MYO3B: variants seen among roughly 807,000 people sequenced by gnomAD.
MYO3B encodes the protein myosin IIIB.
In MYO3B, 156 loss-of-function variants were observed where a neutral mutation model predicts 174.6. That is an observed-to-expected ratio of 0.89 (90% CI 0.78 to 1.02). The LOEUF (loss-of-function observed/expected upper bound fraction) is 1.02. Among genes scored for constraint, MYO3B ranks in the 50% least tolerant of loss-of-function variants. The pLI is 0.00. For synonymous variants in MYO3B, 563 were observed against 569.1 expected, an observed-to-expected ratio of 0.99 and a Z score of 0.15; for missense variants, 1,632 against 1,639.4, an observed-to-expected ratio of 1.00 and a Z score of 0.08.
chr2:170,433,914 A>G lies in MYO3B; in HGVS notation c.2651-10053A>G, dbSNP rs570420953. On this transcript the variant is annotated intron_variant, in intron 22 of 34. Transcript: ENST00000408978. ...TGTTCTTTTCATAAGACATTAGGTC[A>G]TGTCCAAGTGGGCTGGGAACTCTTC... Among the ~76,000 whole-genome samples the G allele has an allele frequency of 8.5e-5, 13 of 152,326 alleles. No individual in the cohort carries two copies. In the South Asian group the frequency reaches 2.7e-3, roughly 32 times the overall value.
chr2:170,472,673 CTATTTATTTATT>C (rs61295158), intron 25 of MYO3B, among the ~76,000 whole-genome samples: 6,461 of 142,312 alleles, frequency 0.045, 456 homozygotes, highest in African/African-American at 0.15. Context: ...CACTTTTTAT[CTATTTATTTATT>C]TATTTATTTA....
At chr2:170,202,263 G>A (rs1257526878) in intron 3 of MYO3B, among the ~76,000 whole-genome samples, 1 of 152,182 alleles carries the variant, frequency 6.6e-6, no homozygotes, top group Admixed American at 6.5e-5. Context: ...TCATACCTCT[G>A]CAATACAATA....
chr2:170,232,067 G>A (rs764069130), intron 6 of MYO3B, among the ~76,000 whole-genome samples: 2 of 152,152 alleles, frequency 1.3e-5, no homozygotes, highest in African/African-American at 2.4e-5. Context: ...TCCCAAAGAC[G>A]TGCACTTACT....
At chr2:170,382,219 ATTGT>A in intron 10 of MYO3B, 107 bp downstream of exon 10, 2 of 879,018 alleles carry the variant, frequency 2.3e-6, no homozygotes, top group South Asian at 1.6e-5. Flanking sequence ...TGAAAATTTA[ATTGT>A]TTGTGTAGCT....
chr2:170,558,690 ATCTGGGTTGTT>A (rs1245912161), intron 32 of MYO3B, among the ~76,000 whole-genome samples: 1 of 152,184 alleles, frequency 6.6e-6, no homozygotes, highest in Non-Finnish European at 1.5e-5. Flanking sequence ...GTTGATGGGC[ATCTGGGTTGTT>A]TCTAGTTTGG....
intron 30 of MYO3B, among the ~76,000 whole-genome samples, chr2:170,538,704 G>A (rs146744231): frequency 1.8e-4 from 28 of 152,278 alleles, no homozygotes; most frequent in Admixed American, 5.9e-4. Context: ...GAGAGTTTCC[G>A]TCTCCCCTAG....
intron 7 of MYO3B, among the ~76,000 whole-genome samples, chr2:170,249,514 C>T (rs1386888334): frequency 6.6e-6 from 1 of 152,196 alleles, no homozygotes; most frequent in Non-Finnish European, 1.5e-5. Flanking sequence ...AATGCAGGAG[C>T]ATCTGAACCA....
At chr2:170,398,278 G>GA (rs2094453102) in intron 16 of MYO3B, among the ~76,000 whole-genome samples, 1 of 146,834 alleles carries the variant, frequency 6.8e-6, no homozygotes, top group Admixed American at 6.8e-5. Context: ...TAGTCAAATG[G>GA]AAAAAATGCA....
chr2:170,346,791 T>C (rs1461571979), intron 8 of MYO3B, among the ~76,000 whole-genome samples: 2 of 152,302 alleles, frequency 1.3e-5, no homozygotes, highest in African/African-American at 4.8e-5. Flanking sequence ...TAGAATGAGA[T>C]GGCCAATTAG....
intron 29 of MYO3B, among the ~76,000 whole-genome samples, chr2:170,519,056 C>T (rs765209977): frequency 3.3e-5 from 5 of 152,182 alleles, no homozygotes; most frequent in Non-Finnish European, 7.4e-5. Flanking sequence ...TCCACATCAG[C>T]AAGCAGCCTA....
At chr2:170,569,071 T>C (rs1015335989) in intron 32 of MYO3B, among the ~76,000 whole-genome samples, 6 of 152,050 alleles carry the variant, frequency 3.9e-5, no homozygotes, top group African/African-American at 1.4e-4. Flanking sequence ...AGCAAACACA[T>C]AGAAATAATA....
chr2:170,403,449 G>A (rs1351690695), intron 19 of MYO3B, among the ~76,000 whole-genome samples: 1 of 152,032 alleles, frequency 6.6e-6, no homozygotes, highest in African/African-American at 2.4e-5. Flanking sequence ...ATGTGTTCTT[G>A]GTTTTCTAGA....
intron 1 of MYO3B, among the ~76,000 whole-genome samples, chr2:170,187,070 G>T (rs573097168): frequency 1.3e-5 from 2 of 151,180 alleles, no homozygotes; most frequent in East Asian, 1.9e-4. Context: ...AAAACAAAAA[G>T]GTTTGTCAAT....
At chr2:170,310,423 G>A (rs191465234) in intron 7 of MYO3B, among the ~76,000 whole-genome samples, 3 of 152,214 alleles carry the variant, frequency 2.0e-5, no homozygotes, top group African/African-American at 7.2e-5. Context: ...AGCACTTTGC[G>A]AGACCGAGGC....
chr2:170,632,260 C>G (rs1291140746), intron 32 of MYO3B, among the ~76,000 whole-genome samples: 7 of 152,044 alleles, frequency 4.6e-5, no homozygotes, highest in African/African-American at 1.4e-4. Context: ...AAATGTAAAA[C>G]AACAGAAATC....
At chr2:170,333,164 G>A (rs28592793) in intron 7 of MYO3B, among the ~76,000 whole-genome samples, 64 of 152,196 alleles carry the variant, frequency 4.2e-4, no homozygotes, top group Admixed American at 1.5e-3. Context: ...CGGCTGTAGA[G>A]ATGATCTAGG....
At chr2:170,479,247 G>C (rs1329570437) in intron 25 of MYO3B, among the ~76,000 whole-genome samples, 2 of 150,042 alleles carry the variant, frequency 1.3e-5, no homozygotes, top group Non-Finnish European at 3.0e-5. Context: ...TCATGCCACT[G>C]CACTCCAGCC....
chr2:170,572,459 A>G (rs1228221618), intron 32 of MYO3B, among the ~76,000 whole-genome samples: 4 of 151,518 alleles, frequency 2.6e-5, no homozygotes, highest in African/African-American at 9.7e-5. Context: ...TACAAAAAAT[A>G]CAAAAATTAG....
intron 25 of MYO3B, among the ~76,000 whole-genome samples, chr2:170,495,736 T>G (rs894021763): frequency 6.6e-6 from 1 of 152,236 alleles, no homozygotes; most frequent in Non-Finnish European, 1.5e-5. Context: ...GCATTCACCA[T>G]AAGCAAGCCT....
Sources: gnomAD v4.1 joint callset for allele counts (sites outside exome capture counted in the v4.1 genomes callset) on GRCh38, gnomAD v4.1.1 for gene constraint, MANE v1.5 for transcripts, NCBI Gene and HGNC (gene_info 2026-07-23, HGNC 2026-07-21) for gene names.